XYLT1: variants seen among roughly 807,000 people sequenced by gnomAD.
The protein encoded by XYLT1 is beta-D-xylosyltransferase 1.
In XYLT1, 36 loss-of-function variants were observed where a neutral mutation model predicts 91.3. That is an observed-to-expected ratio of 0.39 (90% confidence interval 0.30 to 0.52). The LOEUF (loss-of-function observed/expected upper bound fraction) is 0.52, where lower values mean the gene tolerates loss of function less well. Among genes scored for constraint, XYLT1 ranks in the 20% least tolerant of loss-of-function variants. The pLI is 0.68. For missense variants in XYLT1, 1,242 were observed against 1,284.5 expected (o/e 0.97, Z 0.51); for synonymous variants, 588 against 532.0 (o/e 1.11, Z -1.45).
At chr16:17,131,792 TAA>T (rs1164196370) in intron 9 of XYLT1, among the ~76,000 whole-genome samples, 2 of 152,224 alleles carry the variant, frequency 1.3e-5, no homozygotes, top group Non-Finnish European at 2.9e-5. Context: ...ATGAGACTGT[TAA>T]AGTTTTCACT....
In XYLT1 at chr16:17,330,805, A is replaced by AG. The variant is rs2034886247; in HGVS notation, c.402+27206_402+27207insC. Among the ~76,000 whole-genome samples the AG allele has an allele frequency of 1.3e-4, 20 of 151,960 alleles. No individual in the cohort carries two copies. In the South Asian group the frequency reaches 4.2e-3, roughly 32 times the overall value. ...CAAGACTCCCTCTCGGAAAAAAAAA[A>AG]AAGAAAAGAAAAGAAAATGTCCCTA... On this transcript the variant is annotated intron_variant, in intron 2 of 11. Coordinates refer to ENST00000261381, the MANE Select transcript of XYLT1 (RefSeq NM_022166.4).
At chr16:17,310,519 G>A (rs1248104084) in intron 2 of XYLT1, among the ~76,000 whole-genome samples, 1 of 152,090 alleles carries the variant, frequency 6.6e-6, no homozygotes, top group Non-Finnish European at 1.5e-5. Flanking sequence ...TCCTACTCAG[G>A]GTCAGTAAAC....
At chr16:17,377,014 T>C (rs941240234) in intron 1 of XYLT1, among the ~76,000 whole-genome samples, 8 of 151,604 alleles carry the variant, frequency 5.3e-5, no homozygotes, top group Non-Finnish European at 1.0e-4. Context: ...CCATTTCTTC[T>C]AAAAATACAA....
At chr16:17,316,703 C>T (rs2034637429) in intron 2 of XYLT1, among the ~76,000 whole-genome samples, 1 of 151,746 alleles carries the variant, frequency 6.6e-6, no homozygotes, top group African/African-American at 2.4e-5. Context: ...AGCCAGGATC[C>T]CTGCTCTTGA....
Position 17,423,436 on chromosome 16 carries a change from G to T in XYLT1, c.363+46998C>A, listed in dbSNP as rs1181282917. Among the ~76,000 whole-genome samples the T allele has an allele frequency of 2.6e-5, 4 of 152,180 alleles. No homozygotes were observed. In the East Asian group the frequency reaches 7.8e-4, roughly 30 times the overall value. On this transcript the variant is annotated intron_variant, in intron 1 of 11. Coordinates refer to ENST00000261381, the MANE Select transcript of XYLT1 (RefSeq NM_022166.4). ...TAAGGCGATTGTTTTTTCCTCAAGGGCACTTCCTTGAGGGCTGAATACCAA... is the reference window on the plus strand; with the variant it reads ...TAAGGCGATTGTTTTTTCCTCAAGGTCACTTCCTTGAGGGCTGAATACCAA...
intron 3 of XYLT1, among the ~76,000 whole-genome samples, chr16:17,258,578 G>A (rs2033670916): frequency 6.6e-6 from 1 of 152,122 alleles, no homozygotes; most frequent in Non-Finnish European, 1.5e-5. Context: ...AGCCTCTGAA[G>A]TTAATGCAAC....
intron 1 of XYLT1, among the ~76,000 whole-genome samples, chr16:17,385,269 TACAC>T (rs566134163): frequency 0.037 from 4,417 of 119,864 alleles, 102 homozygotes; most frequent in East Asian, 0.058. Context: ...TAAACACACA[TACAC>T]ACACACACAC....
intron 1 of XYLT1, among the ~76,000 whole-genome samples, chr16:17,401,851 C>T (rs1326007973): frequency 6.6e-6 from 1 of 151,654 alleles, no homozygotes; most frequent in Non-Finnish European, 1.5e-5. Context: ...AGCCATAGGC[C>T]CAAAGATATT....
At chr16:17,170,653 T>C (rs1017747506) in intron 5 of XYLT1, among the ~76,000 whole-genome samples, 3 of 152,222 alleles carry the variant, frequency 2.0e-5, no homozygotes, top group African/African-American at 7.2e-5. Context: ...GGCACTGAAC[T>C]GTACTGACAC....
In XYLT1 at chr16:17,216,465, G is replaced by A. The variant is rs143573619; in HGVS notation, c.914-15811C>T. Among the ~76,000 whole-genome samples the A allele has an allele frequency of 2.1e-3, 318 of 152,274 alleles. 3 individuals are homozygous for A. Among genetic ancestry groups the A allele is most frequent in the African/African-American group, 7.3e-3 (302 of 41,568 alleles). ...TTATGGGCCATTAACGCTGCCTCCT[G>A]ATCATAAACCATAAATATGTTCTGC... On this transcript the variant is annotated intron_variant, in intron 3 of 11. Transcript: ENST00000261381.
At chr16:17,342,792 T>C (rs1397878137) in intron 2 of XYLT1, among the ~76,000 whole-genome samples, 1 of 152,184 alleles carries the variant, frequency 6.6e-6, no homozygotes, top group Non-Finnish European at 1.5e-5. Context: ...AGAATTTCTG[T>C]CATGTTGGCT....
At chr16:17,183,372 T>C (rs144964005) in intron 5 of XYLT1, among the ~76,000 whole-genome samples, 2 of 152,154 alleles carry the variant, frequency 1.3e-5, no homozygotes, top group African/African-American at 2.4e-5. Flanking sequence ...AGGATTTAGA[T>C]GGGGAAGAAA....
At chr16:17,195,684 T>G (rs776272968) in intron 5 of XYLT1, among the ~76,000 whole-genome samples, 1 of 152,078 alleles carries the variant, frequency 6.6e-6, no homozygotes, top group East Asian at 1.9e-4. Context: ...GACCTTGTGA[T>G]CCACCTGCCT....
intron 2 of XYLT1, among the ~76,000 whole-genome samples, chr16:17,324,825 T>C (rs145798571): frequency 1.3e-5 from 2 of 152,282 alleles, no homozygotes; most frequent in African/African-American, 4.8e-5. Context: ...GCATCAAAGA[T>C]TTTATTTCGG....
At chr16:17,389,779 C>A (rs1366883689) in intron 1 of XYLT1, among the ~76,000 whole-genome samples, 1 of 152,186 alleles carries the variant, frequency 6.6e-6, no homozygotes, top group African/African-American at 2.4e-5. Flanking sequence ...GATGGAGAAC[C>A]AGGAGTTAAA....
chr16:17,174,875 A>G lies in XYLT1; in HGVS notation c.1290-15966T>C, dbSNP rs866001615. On this transcript the variant is annotated intron_variant, in intron 5 of 11. Coordinates refer to ENST00000261381, the MANE Select transcript of XYLT1 (RefSeq NM_022166.4). The stretch of plus-strand genomic sequence containing the variant: ...AACCTCCACCTCCTGGGTTGAAGCG[A>G]TTCTCTTGCCTCAGCCTCTCAAGTA... Among the ~76,000 whole-genome samples the G allele has an allele frequency of 2.6e-5, 4 of 152,228 alleles. No homozygotes were observed. In the South Asian group the frequency reaches 8.3e-4, roughly 32 times the overall value.
At chr16:17,373,798 A>T (rs1402032887) in intron 1 of XYLT1, among the ~76,000 whole-genome samples, 1 of 152,218 alleles carries the variant, frequency 6.6e-6, no homozygotes, top group East Asian at 1.9e-4. Context: ...AATTCAGGAG[A>T]TCCAGCTTGA....
intron 2 of XYLT1, among the ~76,000 whole-genome samples, chr16:17,345,672 G>T (rs2035134177): frequency 6.6e-6 from 1 of 152,212 alleles, no homozygotes; most frequent in African/African-American, 2.4e-5. Context: ...GAAAGAGTTG[G>T]GATTCAAACG....
intron 1 of XYLT1, among the ~76,000 whole-genome samples, chr16:17,446,728 A>C (rs12449197): frequency 0.098 from 14,953 of 152,198 alleles, 943 homozygotes; most frequent in Non-Finnish European, 0.15. Flanking sequence ...CTAAAGACTC[A>C]AAAGATTTGC....
Sources: allele counts gnomAD v4.1 joint callset (sites outside exome capture counted in the v4.1 genomes callset), GRCh38; gene constraint gnomAD v4.1.1; transcripts MANE v1.5; gene names NCBI Gene and HGNC (gene_info 2026-07-23, HGNC 2026-07-21).